Variants in TAMM41 observed in about 807,000 individuals in gnomAD.
TAMM41 encodes the protein phosphatidate cytidylyltransferase, mitochondrial.
Under a neutral mutation model 44.1 loss-of-function variants are expected in TAMM41, and 36 were observed. That is an observed-to-expected ratio of 0.82 (90% CI 0.63 to 1.08). The LOEUF (loss-of-function observed/expected upper bound fraction) is 1.08. Among genes scored for constraint, TAMM41 ranks in the 50% least tolerant of loss-of-function variants. The probability of loss-of-function intolerance (pLI) is 0.00; values close to 1 mark genes in which losing one functional copy is unlikely to be tolerated. For missense variants in TAMM41, 417 were observed against 404.3 expected, an observed-to-expected ratio of 1.03 and a Z score of -0.27; for synonymous variants, 164 against 153.1, an observed-to-expected ratio of 1.07 and a Z score of -0.53.
At chr3:11,728,962 C>T in the TAMM41 span, among the ~76,000 whole-genome samples, 12 of 148,676 alleles carry the variant, frequency 8.1e-5, no homozygotes, top group Non-Finnish European at 1.5e-4. Context: ...GAGCCGAGAT[C>T]GCGCCATTGC....
At chr3:11,798,208 T>C (rs975388972) in intron 7 of TAMM41, among the ~76,000 whole-genome samples, 1 of 152,164 alleles carries the variant, frequency 6.6e-6, no homozygotes, top group African/African-American at 2.4e-5. Context: ...TGTATACTCA[T>C]TGCAGCATTA....
intron 7 of TAMM41, among the ~76,000 whole-genome samples, chr3:11,795,758 C>A (rs758124787): frequency 1.3e-5 from 2 of 152,168 alleles, no homozygotes; most frequent in Non-Finnish European, 2.9e-5. Context: ...CCCCTTCTCT[C>A]CACTCGCGTT....
intron 1 of TAMM41, chr3:11,845,030 C>T (rs1275418357): frequency 8.8e-6 from 4 of 455,756 alleles, no homozygotes; most frequent in Middle Eastern, 3.3e-4. Context: ...GGTAGGGAGC[C>T]GTGTTGGAGG....
the TAMM41 span, among the ~76,000 whole-genome samples, chr3:11,746,828 G>T: frequency 6.9e-6 from 1 of 145,080 alleles, no homozygotes; most frequent in African/African-American, 2.8e-5. Flanking sequence ...TAGAGACAGG[G>T]TCTCAGTATG....
chr3:11,769,231 A>T, the TAMM41 span, among the ~76,000 whole-genome samples: 1 of 152,240 alleles, frequency 6.6e-6, no homozygotes, highest in Non-Finnish European at 1.5e-5. Flanking sequence ...CTGGGATTAC[A>T]GGTGTGTGCC....
chr3:11,822,377 T>A (rs1261528432), intron 4 of TAMM41, among the ~76,000 whole-genome samples: 1 of 152,116 alleles, frequency 6.6e-6, no homozygotes, highest in East Asian at 1.9e-4. Context: ...GTTTACAGAG[T>A]TGTACAATCA....
At chr3:11,743,066 C>A in the TAMM41 span, among the ~76,000 whole-genome samples, 2,360 of 152,254 alleles carry the variant, frequency 0.016, 35 homozygotes, top group Middle Eastern at 0.071. Context: ...CAGAAGTGAG[C>A]AGTGTGAGGA....
At chr3:11,792,889 G>A (rs912932343) in intron 7 of TAMM41, among the ~76,000 whole-genome samples, 6 of 151,836 alleles carry the variant, frequency 4.0e-5, no homozygotes, top group Non-Finnish European at 8.8e-5. Flanking sequence ...GTGAAACCCC[G>A]TCTCTACTAA....
the TAMM41 span, among the ~76,000 whole-genome samples, chr3:11,751,515 C>G: frequency 6.6e-6 from 1 of 152,170 alleles, no homozygotes; most frequent in Non-Finnish European, 1.5e-5. Context: ...TCAGAGCCTG[C>G]CGTGCTGGGG....
At chr3:11,735,336 T>C in the TAMM41 span, among the ~76,000 whole-genome samples, 1 of 152,124 alleles carries the variant, frequency 6.6e-6, no homozygotes, top group African/African-American at 2.4e-5. Context: ...CCAGCCTGGG[T>C]GACAGAGTGA....
chr3:11,807,881 C>G lies in TAMM41; in HGVS notation c.889G>C (p.Val297Leu). ...CTCTGTCTTATACTAGACGGTCTCA[C>G]GATTGCTGAAAGCCCTGCGAGAAAA... Reference protein sequence around the residue: ...DVVRLGLSAIVRPSSIRQSTK... With the variant: ...DVVRLGLSAILRPSSIRQSTK... The change falls in exon 7 of 8, where the codon GTG (valine) becomes CTG (leucine). Residue 297 changes from valine to leucine, a missense_variant. Transcript: ENST00000455809. 6.5e-7 allele frequency: 1 copy of G among 1,526,902 alleles called. No individual in the cohort carries two copies. Among genetic ancestry groups the G allele is most frequent in the Non-Finnish European group, 8.8e-7 (1 of 1,142,346 alleles). 94.6% of individuals were successfully genotyped at this position (1,526,902 alleles called of 1,614,324 possible). A position where few individuals can be genotyped will look rare whatever the true frequency, so the allele number is the denominator to read the frequency against.
At chr3:11,792,921 C>T (rs778892893) in intron 7 of TAMM41, among the ~76,000 whole-genome samples, 4 of 151,856 alleles carry the variant, frequency 2.6e-5, no homozygotes, top group Non-Finnish European at 2.9e-5. Context: ...ATTAGCCAGG[C>T]GTGGTGGCAT....
downstream of TAMM41, among the ~76,000 whole-genome samples, chr3:11,790,172 T>C (rs976865868): frequency 6.6e-6 from 1 of 152,192 alleles, no homozygotes; most frequent in African/African-American, 2.4e-5. Flanking sequence ...TTCCACACCC[T>C]GTAAGTTTCC....
chr3:11,807,237 C>T, intron 7 of TAMM41: 1 of 1,432,108 alleles, frequency 7.0e-7, no homozygotes, highest in Non-Finnish European at 9.1e-7. Context: ...ACCATACCAT[C>T]AAACTGAAAA....
chr3:11,725,374 C>T, the TAMM41 span, among the ~76,000 whole-genome samples: 328 of 130,626 alleles, frequency 2.5e-3, 4 homozygotes, highest in Middle Eastern at 9.6e-3. Context: ...TTCTCCTCCT[C>T]CTCTTCCTCC....
chr3:11,726,800 CAAAAAA>C, the TAMM41 span, among the ~76,000 whole-genome samples: 3 of 93,098 alleles, frequency 3.2e-5, no homozygotes, highest in East Asian at 5.1e-4. Context: ...GACTCTGTCT[CAAAAAA>C]AAAAAAAAAA....
intron 3 of TAMM41, among the ~76,000 whole-genome samples, chr3:11,834,661 G>C (rs1474424046): frequency 1.3e-5 from 2 of 152,138 alleles, no homozygotes; most frequent in African/African-American, 2.4e-5. Flanking sequence ...ACTTTTCCCA[G>C]AAAGTCCATC....
At chr3:11,774,453 G>A in the TAMM41 span, among the ~76,000 whole-genome samples, 2 of 152,184 alleles carry the variant, frequency 1.3e-5, no homozygotes, top group Non-Finnish European at 2.9e-5. Flanking sequence ...AGATGGCCAG[G>A]CTAGCCCAAG....
the TAMM41 span, among the ~76,000 whole-genome samples, chr3:11,732,160 C>T: frequency 3.3e-5 from 5 of 152,194 alleles, no homozygotes; most frequent in Non-Finnish European, 7.3e-5. Flanking sequence ...AGCCACCACA[C>T]TTGGCCCATT....
Sources: allele counts gnomAD v4.1 joint callset (sites outside exome capture counted in the v4.1 genomes callset), GRCh38; gene constraint gnomAD v4.1.1; transcripts MANE v1.5; gene names NCBI Gene and HGNC (gene_info 2026-07-23, HGNC 2026-07-21).